TMEM135: variants seen among roughly 807,000 people sequenced by gnomAD.
The protein encoded by TMEM135 is transmembrane protein 135.
TMEM135 carries 30 observed loss-of-function variants against 60.3 expected under a neutral mutation model. That is an observed-to-expected ratio of 0.50 (90% confidence interval 0.37 to 0.68). TMEM135 has a LOEUF of 0.68. Among genes scored for constraint, TMEM135 ranks in the 30% least tolerant of loss-of-function variants. The pLI, the probability that TMEM135 is intolerant of heterozygous loss-of-function variation, is 0.00. For missense variants in TMEM135, 468 were observed against 548.8 expected (o/e 0.85, Z 1.47); for synonymous variants, 190 against 186.7 (o/e 1.02, Z -0.14).
intron 5 of TMEM135, among the ~76,000 whole-genome samples, chr11:87,228,249 A>G (rs1940809680): frequency 6.6e-6 from 1 of 152,164 alleles, no homozygotes; most frequent in African/African-American, 2.4e-5. Flanking sequence ...TATAGCAGAT[A>G]TGGAATAAAT....
chr11:87,188,800 G>GT (rs1248130206), intron 5 of TMEM135, among the ~76,000 whole-genome samples: 10 of 151,962 alleles, frequency 6.6e-5, no homozygotes, highest in Non-Finnish European at 1.5e-4. Flanking sequence ...GAGTATCCCT[G>GT]TTTTTTCACT....
intron 1 of TMEM135, among the ~76,000 whole-genome samples, 166 bp from the exon 2 acceptor site, chr11:87,067,528 C>T (rs1054521233): frequency 1.3e-5 from 2 of 152,082 alleles, no homozygotes; most frequent in African/African-American, 4.8e-5. Context: ...ATTCAGGTGT[C>T]TTCCTTTCTA....
chr11:87,089,922 C>A (rs1412450071), intron 3 of TMEM135, among the ~76,000 whole-genome samples: 1 of 152,112 alleles, frequency 6.6e-6, no homozygotes, highest in Non-Finnish European at 1.5e-5. Flanking sequence ...TTATTATTTT[C>A]TTTTCCTAAC....
At chr11:87,073,376 T>G (rs1856808927) in intron 3 of TMEM135, among the ~76,000 whole-genome samples, 1 of 152,190 alleles carries the variant, frequency 6.6e-6, no homozygotes, top group African/African-American at 2.4e-5. Context: ...TCATAGTATC[T>G]AAATTTTTGT....
chr11:87,124,344 C>G (rs1937661822), intron 4 of TMEM135, among the ~76,000 whole-genome samples: 2 of 152,152 alleles, frequency 1.3e-5, no homozygotes, highest in Admixed American at 1.3e-4. Flanking sequence ...TGACTCAGCT[C>G]TAACATTCCC....
chr11:87,316,147 G>A (rs1321677181), intron 12 of TMEM135, among the ~76,000 whole-genome samples: 1 of 152,004 alleles, frequency 6.6e-6, no homozygotes, highest in African/African-American at 2.4e-5. Context: ...TGGAGCTAGA[G>A]AATCTCCCTC....
At chr11:87,063,288 G>A (rs1949967126) in intron 1 of TMEM135, among the ~76,000 whole-genome samples, 1 of 152,122 alleles carries the variant, frequency 6.6e-6, no homozygotes, top group Non-Finnish European at 1.5e-5. Flanking sequence ...ATACAGATAT[G>A]TATTTTAACC....
intron 12 of TMEM135, among the ~76,000 whole-genome samples, chr11:87,317,345 G>A (rs1336322791): frequency 6.6e-6 from 1 of 151,948 alleles, no homozygotes; most frequent in Admixed American, 6.6e-5. Context: ...GCAATATACT[G>A]TTACATATTT....
At chr11:87,191,052 C>T (rs574256794) in intron 5 of TMEM135, among the ~76,000 whole-genome samples, 2 of 152,064 alleles carry the variant, frequency 1.3e-5, no homozygotes, top group Non-Finnish European at 2.9e-5. Context: ...TTCACATAGC[C>T]GTTGACACAA....
intron 1 of TMEM135, among the ~76,000 whole-genome samples, chr11:87,040,531 A>G (rs954864185): frequency 3.3e-5 from 5 of 152,114 alleles, no homozygotes; most frequent in African/African-American, 1.2e-4. Context: ...GCGTGGTGGC[A>G]CATGCCTGTA....
chr11:87,209,388 G>T (rs1940310603), intron 5 of TMEM135, among the ~76,000 whole-genome samples: 1 of 151,960 alleles, frequency 6.6e-6, no homozygotes, highest in Admixed American at 6.6e-5. Context: ...CAAGAGCTGG[G>T]GTAGCTATTC....
intron 5 of TMEM135, among the ~76,000 whole-genome samples, chr11:87,176,844 G>T (rs634343): frequency 0.22 from 33,291 of 152,040 alleles, 4,244 homozygotes; most frequent in East Asian, 0.54. Flanking sequence ...CAGGAAGGTG[G>T]TTTCAAGAAG....
intron 6 of TMEM135, among the ~76,000 whole-genome samples, chr11:87,285,733 C>G (rs904406341): frequency 5.9e-5 from 9 of 152,184 alleles, no homozygotes; most frequent in South Asian, 4.1e-4. Context: ...GGAAGGGGAC[C>G]CGAGCAGGTT....
intron 5 of TMEM135, among the ~76,000 whole-genome samples, chr11:87,181,529 A>G (rs1591083216): frequency 6.6e-6 from 1 of 152,276 alleles, no homozygotes; most frequent in Non-Finnish European, 1.5e-5. Context: ...ACATTCTGCA[A>G]AAGCAAAAAC....
intron 10 of TMEM135, among the ~76,000 whole-genome samples, chr11:87,311,944 C>T (rs571810493): frequency 6.6e-6 from 1 of 151,822 alleles, no homozygotes; most frequent in Admixed American, 6.6e-5. Flanking sequence ...TATAATGTTT[C>T]CATTCTTTCA....
rs1460754592 is a variant in TMEM135 at position 87,050,543 on chromosome 11, G to A, written c.141+12357G>A. 7.3e-3 allele frequency among the ~76,000 whole-genome samples: 350 copies of A among 47,692 alleles called. 3 individuals carry two copies. Among genetic ancestry groups the A allele is most frequent in the Non-Finnish European group, 9.1e-3 (276 of 30,476 alleles). 31.3% of individuals were successfully genotyped at this position (47,692 alleles called of 152,430 possible). On this transcript the variant is annotated intron_variant, in intron 1 of 14. Transcript: ENST00000305494. ...CAGAGAATACTACAAACACCTCTAC[G>A]CAAATAAACTAGAAAATCTAGAAGA... is the stretch of plus-strand genomic sequence containing the variant.
intron 2 of TMEM135, among the ~76,000 whole-genome samples, chr11:87,069,060 T>TTGGGAGGTCGAGGCAGA (rs199619942): frequency 0.46 from 69,911 of 150,510 alleles, 17,043 homozygotes; most frequent in East Asian, 0.64. Flanking sequence ...TCCTAGCACT[T>TTGGGAGGTCGAGGCAGA]TGGATCACGA....
intron 7 of TMEM135, 87 bp from the exon 8 acceptor site, chr11:87,302,209 C>A (rs1030639709): frequency 1.5e-6 from 2 of 1,341,016 alleles, no homozygotes; most frequent in Non-Finnish European, 2.1e-6. Flanking sequence ...CTTGCCAAAG[C>A]GTATTTGTTT....
At chr11:87,155,362 G>T (rs1306305728) in intron 4 of TMEM135, among the ~76,000 whole-genome samples, 1 of 152,176 alleles carries the variant, frequency 6.6e-6, no homozygotes, top group Non-Finnish European at 1.5e-5. Flanking sequence ...TAAATCTAAT[G>T]TCATAAAGCT....
Sources: gnomAD v4.1 joint callset for allele counts (sites outside exome capture counted in the v4.1 genomes callset) on GRCh38, gnomAD v4.1.1 for gene constraint, MANE v1.5 for transcripts, NCBI Gene and HGNC (gene_info 2026-07-23, HGNC 2026-07-21) for gene names.